USP20: variants seen among roughly 807,000 people sequenced by gnomAD.
USP20 encodes the protein ubiquitin specific peptidase 20, also known as ubiquitin carboxyl-terminal hydrolase 20.
A neutral mutation model predicts 124.2 loss-of-function variants in USP20; 80 were observed. That is an observed-to-expected ratio of 0.64 (90% CI 0.54 to 0.78). The LOEUF is 0.78. Ranked by LOEUF, USP20 falls within the 30% of genes least tolerant of loss-of-function variation. USP20 has a pLI of 0.00. For missense variants in USP20, 1,043 were observed against 1,244.4 expected (o/e 0.84, Z 2.44); for synonymous variants, 481 against 512.3 (o/e 0.94, Z 0.83).
At chr9:129,880,441 A>G in intron 25 of USP20, 26 bp from the exon 26 acceptor site, 1 of 909,952 alleles carries the variant, frequency 1.1e-6, no homozygotes, top group Non-Finnish European at 1.6e-6. Flanking sequence ...GCCCGGCCCC[A>G]CTGCTGAGTG....
At chr9:129,870,595 A>G in intron 15 of USP20, 48 bp downstream of exon 15, 1 of 1,595,214 alleles carries the variant, frequency 6.3e-7, no homozygotes, top group East Asian at 2.2e-5. Context: ...GGTTGTGGGG[A>G]CGGGGATGTG....
chr9:129,845,289 T>C (rs2032473836), intron 1 of USP20, among the ~76,000 whole-genome samples: 1 of 152,084 alleles, frequency 6.6e-6, no homozygotes, highest in African/African-American at 2.4e-5. Context: ...CTGTCCCCTA[T>C]GGTGCCCTCA....
intron 15 of USP20, among the ~76,000 whole-genome samples, chr9:129,871,578 C>T (rs2034130614): frequency 6.6e-6 from 1 of 152,160 alleles, no homozygotes; most frequent in Admixed American, 6.6e-5. Flanking sequence ...CAGTGGCCAC[C>T]CCATTTCACA....
chr9:129,875,037 G>C, intron 19 of USP20, 82 bp downstream of exon 19: 1 of 1,541,210 alleles, frequency 6.5e-7, no homozygotes, highest in Admixed American at 2.0e-5. Context: ...TGTGTGTAGG[G>C]GACAGCGCCT....
intron 22 of USP20, 78 bp downstream of exon 22, chr9:129,876,316 T>A: frequency 1.6e-6 from 2 of 1,227,700 alleles, no homozygotes; most frequent in East Asian, 5.1e-5. Flanking sequence ...GACAGAAGAA[T>A]CCTGTGCAGT....
intron 13 of USP20, 50 bp downstream of exon 13, chr9:129,869,475 A>G (rs1444409160): frequency 6.3e-7 from 1 of 1,587,666 alleles, no homozygotes; most frequent in Non-Finnish European, 8.6e-7. Context: ...CAGTGGCCTC[A>G]GCAGCTCTTG....
intron 1 of USP20, among the ~76,000 whole-genome samples, chr9:129,844,849 A>G (rs1588241553): frequency 6.6e-6 from 1 of 152,102 alleles, no homozygotes; most frequent in East Asian, 1.9e-4. Context: ...GGAGAAGATG[A>G]AAAATTTGAA....
intron 15 of USP20, among the ~76,000 whole-genome samples, chr9:129,872,920 C>G (rs539473573): frequency 2.0e-4 from 31 of 152,050 alleles, no homozygotes; most frequent in African/African-American, 7.5e-4. Flanking sequence ...TGCCTTTTGC[C>G]TTTTAATTTT....
chr9:129,865,288 T>C lies in USP20; in HGVS notation c.612-15T>C. The C allele has an allele frequency of 6.2e-7, 1 of 1,613,988 alleles. No individual in the cohort carries two copies. Among genetic ancestry groups the C allele is most frequent in the Non-Finnish European group, 8.5e-7 (1 of 1,179,874 alleles). On this transcript the variant is annotated splice_polypyrimidine_tract_variant and intron_variant, in intron 9 of 25. Coordinates refer to ENST00000372429, the MANE Select transcript of USP20 (RefSeq NM_001110303.4). ...AGGCAGGCTACCTGGACTAATGGGT[T>C]TGGGCTTCCTACAGGCCAAGCTACG...
In USP20 at chr9:129,860,146, C is replaced by T. The variant is rs527889375; in HGVS notation, c.331-791C>T. ...GAGATCGAGACCATCCTGGCTAACACGGTGAAACCCCGTCTCTACTAAAAA... is the reference window on the plus strand; with the variant it reads ...GAGATCGAGACCATCCTGGCTAACATGGTGAAACCCCGTCTCTACTAAAAA... On this transcript the variant is annotated intron_variant, in intron 6 of 25. Transcript: ENST00000372429. Among the ~76,000 whole-genome samples the T allele has an allele frequency of 9.6e-4, 146 of 152,162 alleles. 1 individual carries two copies. Among genetic ancestry groups the T allele is most frequent in the Non-Finnish European group, 1.6e-3 (106 of 67,998 alleles).
chr9:129,859,284 A>ATTTTATTTTATTTTATTTTATTTTTTTT (rs1554746154), intron 6 of USP20, among the ~76,000 whole-genome samples: 2 of 137,888 alleles, frequency 1.5e-5, no homozygotes, highest in Admixed American at 7.5e-5. Context: ...ATTTTATTTT[A>ATTTTATTTTATTTTATTTTATTTTTTTT]ATTTTTTGAG....
intron 22 of USP20, among the ~76,000 whole-genome samples, chr9:129,876,491 T>C (rs2034414710): frequency 1.3e-5 from 2 of 152,044 alleles, no homozygotes; most frequent in African/African-American, 4.8e-5. Context: ...ATACAAAAAT[T>C]AGCTGGGCTT....
Position 129,873,738 on chromosome 9 carries a change from G to A in USP20, c.1734G>A (p.Leu578=). The A allele has an allele frequency of 6.2e-7, 1 of 1,612,602 alleles. No individual in the cohort carries two copies. Among genetic ancestry groups the A allele is most frequent in the African/African-American group, 1.3e-5 (1 of 75,056 alleles). ...NGVKYCKVLR[L]PEILCIHLKR... is the part of the protein sequence containing the mutation. ...TGAAGTACTGCAAAGTCCTGCGGTT[G>A]CCCGAGGTGAGCCAGTGGCCTCGGC... Residue 578 remains leucine, a synonymous_variant, in exon 17 of 26, where the codon TTG becomes TTA. Transcript: ENST00000372429.
rs376078669 is a variant in USP20, at chr9:129,868,950, C to T, written c.1224C>T (p.Ser408=). The part of the protein sequence containing the change: ...HHEGHAKLSS[S]PPRASPVRMA... ...AGGGCCATGCCAAGCTGTCTAGCAG[C>T]CCCCCTCGTGCAAGCCCCGTGAGGA... The change falls in exon 12 of 26, where the codon AGC becomes AGT. Residue 408 remains serine, a synonymous_variant. Coordinates refer to ENST00000372429, the MANE Select transcript of USP20 (RefSeq NM_001110303.4). The T allele has an allele frequency of 1.2e-6, 2 of 1,612,568 alleles. No homozygotes were observed. The highest frequency in any genetic ancestry group is 1.7e-5 in the Admixed American group (1 of 59,876).
Position 129,879,584 on chromosome 9 carries a change from C to T in USP20, c.2524C>T (p.Pro842Ser), listed in dbSNP as rs371454594. 8.7e-6 allele frequency: 14 copies of T among 1,613,664 alleles called. No individual in the cohort carries two copies. The highest frequency in any genetic ancestry group is 1.0e-5 in the Non-Finnish European group (12 of 1,179,960). Reference sequence around the variant, plus strand: ...TGTGTCTGTTGCAGAGCCCCCCGGGCCCATTGACAACAGCAGGATTGCACA... The same window carrying T: ...TGTGTCTGTTGCAGAGCCCCCCGGGTCCATTGACAACAGCAGGATTGCACA... ...VKGKDNEPPG[P>S]IDNSRIAQVK... The change falls in exon 24 of 26, where the codon CCC (proline) becomes TCC (serine). Residue 842 changes from proline (P) to serine (S), a missense_variant. By Grantham distance (74) the Pro-to-Ser change is moderately conservative (BLOSUM62 -1). Transcript: ENST00000372429. This position sits in a 1 kb window ranked among gnomAD's most constrained non-coding sequence, Gnocchi z 4.2.
At chr9:129,863,686 T>TG (rs1247324647) in intron 9 of USP20, among the ~76,000 whole-genome samples, 1 of 152,360 alleles carries the variant, frequency 6.6e-6, no homozygotes, top group East Asian at 1.9e-4. Flanking sequence ...ATGGAGCTTC[T>TG]GGCACAGTAT....
At chr9:129,856,758 A>G (rs2033237937) in intron 4 of USP20, among the ~76,000 whole-genome samples, 1 of 152,080 alleles carries the variant, frequency 6.6e-6, no homozygotes, top group Non-Finnish European at 1.5e-5. Flanking sequence ...ACCCATCTAT[A>G]AGAAAGGGGC....
At chr9:129,864,979 A>G (rs927888252) in intron 9 of USP20, among the ~76,000 whole-genome samples, 9 of 152,216 alleles carry the variant, frequency 5.9e-5, no homozygotes, top group Non-Finnish European at 1.2e-4. Context: ...AATAATGAAC[A>G]TGTCTTACTT....
At position 129,875,375 on chromosome 9, in the gene USP20, C is replaced by A. The variant is rs61751469; in HGVS notation, c.2114C>A (p.Pro705His). Residue 705 changes from proline (P) to histidine (H), a missense_variant, in exon 20 of 26, where the codon CCC (proline) becomes CAC (histidine). Physicochemically the swap from Pro to His is moderately conservative, Grantham distance 77. Transcript: ENST00000372429. ...GTGTCCCTGGCCGCCATGCGGGAGC[C>A]CAGCCTGCTGCGGTTCTACGTGTCC... ...QVVSLAAMRE[P>H]SLLRFYVSRE... The A allele has an allele frequency of 3.8e-4, 608 of 1,613,160 alleles. No homozygotes were observed. Among genetic ancestry groups the A allele is most frequent in the Middle Eastern group, 4.9e-4 (3 of 6,082 alleles).
Sources: allele counts gnomAD v4.1 joint callset (sites outside exome capture counted in the v4.1 genomes callset), GRCh38; gene constraint gnomAD v4.1.1; non-coding constraint Gnocchi (gnomAD v3.1); transcripts MANE v1.5; gene names NCBI Gene and HGNC (gene_info 2026-07-23, HGNC 2026-07-21).